FOXP2: variants seen among roughly 807,000 people sequenced by gnomAD.
FOXP2 encodes forkhead box protein P2.
FOXP2 carries 12 observed loss-of-function variants against 115.8 expected under a neutral mutation model. The ratio of observed to expected loss-of-function variants is 0.10; its 90% CI spans 0.07 to 0.17. FOXP2 has a LOEUF of 0.17. Ranked by LOEUF, FOXP2 falls within the 10% of genes least tolerant of loss-of-function variation. The probability of loss-of-function intolerance (pLI) is 1.00; values close to 1 mark genes in which losing one functional copy is unlikely to be tolerated. For missense variants in FOXP2, 629 were observed against 843.5 expected (o/e 0.75, Z 3.15); for synonymous variants, 328 against 297.7 (o/e 1.10, Z -1.05).
At position 114,662,166 on chromosome 7, in the gene FOXP2, A is replaced by G; in HGVS notation, c.1749A>G (p.Arg583=). The change falls in exon 14 of 17, where the codon CGA becomes CGG. Residue 583 remains arginine (R), a synonymous_variant. Transcript: ENST00000350908. ...WTVDEVEYQK[R]RSQKITGSPT... is the part of the protein sequence containing the mutation. ...TGGATGAAGTAGAATACCAGAAGCGAAGGTCACAAAAGATAACAGGGTATG... is the reference window on the plus strand; with the variant it reads ...TGGATGAAGTAGAATACCAGAAGCGGAGGTCACAAAAGATAACAGGGTATG... 6.2e-7 allele frequency: 1 copy of G among 1,612,796 alleles called. No homozygotes were observed. Among genetic ancestry groups the G allele is most frequent in the South Asian group, 1.1e-5 (1 of 91,066 alleles).
intron 1 of FOXP2, among the ~76,000 whole-genome samples, chr7:114,269,077 G>A (rs1442814106): frequency 1.3e-5 from 2 of 152,050 alleles, no homozygotes; most frequent in African/African-American, 4.8e-5. Context: ...ATTTATAACT[G>A]AGTATTCTAG....
At chr7:114,661,410 A>C (rs904787723) in intron 13 of FOXP2, among the ~76,000 whole-genome samples, 5 of 152,116 alleles carry the variant, frequency 3.3e-5, no homozygotes, top group African/African-American at 1.2e-4. Flanking sequence ...TATGGGAAGA[A>C]AATGTACTCT....
intron 1 of FOXP2, among the ~76,000 whole-genome samples, chr7:114,268,644 C>T (rs1287707970): frequency 6.6e-6 from 1 of 151,658 alleles, no homozygotes; most frequent in Non-Finnish European, 1.5e-5. Flanking sequence ...GTTTCTTTAG[C>T]GTGTTCTGTT....
intron 1 of FOXP2, among the ~76,000 whole-genome samples, chr7:114,178,879 C>T (rs1255172365): frequency 6.6e-6 from 1 of 151,898 alleles, no homozygotes; most frequent in South Asian, 2.1e-4. Context: ...GAATATCTTT[C>T]AGTCACTGTC....
At chr7:114,170,916 A>G (rs907825032) in intron 1 of FOXP2, among the ~76,000 whole-genome samples, 2 of 152,218 alleles carry the variant, frequency 1.3e-5, no homozygotes, top group Non-Finnish European at 2.9e-5. Context: ...GCTACATTAA[A>G]TAACAGATTT....
chr7:114,086,412 C>G (rs1412607081), upstream of FOXP2: 11 of 346,792 alleles, frequency 3.2e-5, no homozygotes, highest in South Asian at 4.0e-5. Context: ...GCAGCCCGCC[C>G]GCGAACGCCC....
chr7:114,666,426 T>C (rs955220712), intron 16 of FOXP2: 4 of 152,144 alleles, frequency 2.6e-5, no homozygotes, highest in African/African-American at 9.6e-5. Flanking sequence ...CAGTATTCTC[T>C]ATCTTCACCT....
At chr7:114,462,119 A>C (rs1434844564) in intron 2 of FOXP2, among the ~76,000 whole-genome samples, 1 of 151,202 alleles carries the variant, frequency 6.6e-6, no homozygotes, top group African/African-American at 2.4e-5. Flanking sequence ...CGTCTCTACT[A>C]AAAATACAAA....
intron 2 of FOXP2, among the ~76,000 whole-genome samples, chr7:114,475,311 T>A (rs938011937): frequency 2.0e-5 from 3 of 152,170 alleles, no homozygotes; most frequent in Non-Finnish European, 2.9e-5. Context: ...ACAAAAATTT[T>A]ACCTTATTTG....
At chr7:114,532,209 G>T (rs1799173369) in intron 2 of FOXP2, among the ~76,000 whole-genome samples, 1 of 151,864 alleles carries the variant, frequency 6.6e-6, no homozygotes, top group Non-Finnish European at 1.5e-5. Context: ...CATAAGGGAG[G>T]TATTAATATA....
intron 3 of FOXP2, chr7:114,560,988 A>T (rs1800731672): frequency 6.6e-6 from 1 of 152,218 alleles, no homozygotes. Context: ...GCAGAGCAGA[A>T]TCTAATAGGC....
chr7:114,334,997 A>G (rs889810914), intron 2 of FOXP2, among the ~76,000 whole-genome samples: 1 of 146,806 alleles, frequency 6.8e-6, no homozygotes, highest in Non-Finnish European at 1.5e-5. Flanking sequence ...TTATCTTTCA[A>G]GATTTTAAAG....
upstream of FOXP2, chr7:114,086,396 C>A (rs953168227): frequency 4.0e-5 from 14 of 354,216 alleles, no homozygotes; most frequent in Non-Finnish European, 7.2e-5. Context: ...TAGCCCCGCG[C>A]CACCCGCAGC....
chr7:114,642,036 C>T (rs113136782), intron 6 of FOXP2, among the ~76,000 whole-genome samples: 19 of 151,966 alleles, frequency 1.3e-4, no homozygotes, highest in Non-Finnish European at 1.3e-4. Flanking sequence ...GAACTCCTGG[C>T]CTCAAGTGAT....
At chr7:114,370,244 T>C (rs1037885453) in intron 2 of FOXP2, among the ~76,000 whole-genome samples, 5 of 152,200 alleles carry the variant, frequency 3.3e-5, no homozygotes, top group Non-Finnish European at 7.3e-5. Flanking sequence ...AGATGTCTTC[T>C]CATTAGATGT....
At chr7:114,345,362 A>G (rs1666676228) in intron 2 of FOXP2, among the ~76,000 whole-genome samples, 2 of 151,768 alleles carry the variant, frequency 1.3e-5, no homozygotes, top group Non-Finnish European at 2.9e-5. Context: ...TAATCTTGTA[A>G]TGTATCATTA....
At chr7:114,570,922 C>G in intron 3 of FOXP2, 1 of 1,545,670 alleles carries the variant, frequency 6.5e-7, no homozygotes, top group Non-Finnish European at 8.9e-7. Context: ...CTACTAGGCA[C>G]AAGGCCATGG....
At chr7:114,546,201 T>A (rs1053810026) in intron 3 of FOXP2, among the ~76,000 whole-genome samples, 3 of 152,208 alleles carry the variant, frequency 2.0e-5, no homozygotes, top group African/African-American at 7.2e-5. Flanking sequence ...TGAAGTTATT[T>A]GTTTTTCCTT....
intron 3 of FOXP2, among the ~76,000 whole-genome samples, chr7:114,592,664 C>T (rs1211164576): frequency 6.6e-6 from 1 of 151,830 alleles, no homozygotes; most frequent in Non-Finnish European, 1.5e-5. Context: ...TACCTTTGGA[C>T]TAATAAGGAT....
Sources: gnomAD v4.1 joint callset for allele counts (sites outside exome capture counted in the v4.1 genomes callset) on GRCh38, gnomAD v4.1.1 for gene constraint, MANE v1.5 for transcripts, NCBI Gene and HGNC (gene_info 2026-07-23, HGNC 2026-07-21) for gene names.